ETV6: variants seen among roughly 807,000 people sequenced by gnomAD.
ETV6 encodes the protein ETS variant transcription factor 6.
Under a neutral mutation model 51.1 loss-of-function variants are expected in ETV6, and 16 were observed. The observed-to-expected ratio is 0.31, with a 90% confidence interval of 0.21 to 0.48. The LOEUF is 0.48. Ranked by LOEUF, ETV6 falls within the 20% of genes least tolerant of loss-of-function variation. The pLI is 0.99. For missense variants in ETV6, 458 were observed against 594.8 expected (o/e 0.77, Z 2.39); for synonymous variants, 240 against 224.1 (o/e 1.07, Z -0.64).
At chr12:11,761,143 A>AT (rs1324709776) in intron 2 of ETV6, among the ~76,000 whole-genome samples, 2 of 152,140 alleles carry the variant, frequency 1.3e-5, no homozygotes, top group Non-Finnish European at 2.9e-5. Context: ...TACTCTTTAA[A>AT]AGTCTGAGGA....
At position 11,893,128 on chromosome 12, in the gene ETV6, C is replaced by CTATT. The variant is rs1009864158; in HGVS notation, c.*2084_*2087dup. The CTATT allele has an allele frequency of 2.6e-5, 6 of 232,696 alleles. No individual in the cohort carries two copies. The highest frequency in any genetic ancestry group is 5.1e-5 in the Non-Finnish European group (6 of 117,816). The allele number at this position is 232,696 out of a possible 1,614,324, so 14.4% of individuals were successfully genotyped here. On this transcript the variant is annotated 3_prime_UTR_variant, in exon 8 of 8. Coordinates refer to ENST00000396373, the MANE Select transcript of ETV6 (RefSeq NM_001987.5). ...AGCATTCAGTAGGACATGGTGATCC[C>CTATT]TATTTCAGCCTCTAAGATGACTGGT... is the stretch of plus-strand genomic sequence containing the variant.
intron 1 of ETV6, among the ~76,000 whole-genome samples, chr12:11,708,611 T>TG (rs2120870566): frequency 1.3e-5 from 2 of 152,258 alleles, no homozygotes; most frequent in East Asian, 3.9e-4. Flanking sequence ...GCCAGTATCA[T>TG]GGGGGATGGA....
At chr12:11,659,185 A>G (rs2120633126) in intron 1 of ETV6, among the ~76,000 whole-genome samples, 1 of 152,228 alleles carries the variant, frequency 6.6e-6, no homozygotes, top group South Asian at 2.1e-4. Flanking sequence ...ACTTTGGGGC[A>G]TGGGGAAACC....
chr12:11,650,020 A>G lies in ETV6; in HGVS notation c.-108A>G. On this transcript the variant is annotated 5_prime_UTR_variant, in exon 1 of 8. Transcript: ENST00000396373. ...GCTGCCGGGAGAGATGCTGGAAGAA[A>G]CTTCTTAAATGACCGCGTCTGGCTG... 1.9e-6 allele frequency: 2 copies of G among 1,046,764 alleles called. No homozygotes were observed. Among genetic ancestry groups the G allele is most frequent in the East Asian group, 4.8e-5 (2 of 41,252 alleles). The allele number at this position is 1,046,764 out of a possible 1,614,324, so 64.8% of individuals were successfully genotyped here. A position where few individuals can be genotyped will look rare whatever the true frequency, so the allele number is the denominator to read the frequency against.
chr12:11,716,939 A>T (rs1351434640), intron 1 of ETV6, among the ~76,000 whole-genome samples: 3 of 152,162 alleles, frequency 2.0e-5, no homozygotes, highest in Admixed American at 1.3e-4. Flanking sequence ...TATCTCTTAG[A>T]TCTAAAATCA....
At position 11,873,605 on chromosome 12, in the gene ETV6, A is replaced by C. The variant is rs909764954; in HGVS notation, c.1009+3636A>C. Reference sequence around the variant, plus strand: ...ATAGCTGGAGGGTATAGATGGAAATAGTACTCATGAATGTGGATCACAAAA... The same window carrying C: ...ATAGCTGGAGGGTATAGATGGAAATCGTACTCATGAATGTGGATCACAAAA... On this transcript the variant is annotated intron_variant, in intron 5 of 7. Transcript: ENST00000396373. 3.5e-5 allele frequency among the ~76,000 whole-genome samples: 4 copies of C among 112,942 alleles called. 2 individuals are homozygous for C. Among genetic ancestry groups the C allele is most frequent in the African/African-American group, 1.4e-4 (4 of 29,234 alleles). 74.1% of individuals were successfully genotyped at this position (112,942 alleles called of 152,430 possible).
intron 2 of ETV6, among the ~76,000 whole-genome samples, chr12:11,792,343 T>A (rs1945611571): frequency 6.6e-6 from 1 of 152,204 alleles, no homozygotes; most frequent in African/African-American, 2.4e-5. Context: ...GAATTTACTT[T>A]AGACAAAATC....
At chr12:11,656,352 G>T (rs961249314) in intron 1 of ETV6, among the ~76,000 whole-genome samples, 3 of 152,166 alleles carry the variant, frequency 2.0e-5, no homozygotes, top group Non-Finnish European at 2.9e-5. Flanking sequence ...CCATTTTTGC[G>T]AAGAAAATTA....
chr12:11,776,582 C>G (rs1945329021), intron 2 of ETV6, among the ~76,000 whole-genome samples: 1 of 152,118 alleles, frequency 6.6e-6, no homozygotes, highest in Non-Finnish European at 1.5e-5. Flanking sequence ...ACACATGTAG[C>G]TATGAGGAGA....
At chr12:11,867,942 G>T (rs146893796) in intron 4 of ETV6, among the ~76,000 whole-genome samples, 2 of 152,202 alleles carry the variant, frequency 1.3e-5, no homozygotes, top group South Asian at 4.1e-4. Flanking sequence ...GGTGTGTGCC[G>T]GTCCATTCCC....
At chr12:11,789,321 G>A (rs747927331) in intron 2 of ETV6, among the ~76,000 whole-genome samples, 2 of 152,000 alleles carry the variant, frequency 1.3e-5, no homozygotes, top group East Asian at 1.9e-4. Context: ...GGTGAGCCAC[G>A]ATCGTATTTC....
intron 1 of ETV6, among the ~76,000 whole-genome samples, chr12:11,658,848 G>C (rs1023228899): frequency 2.0e-5 from 3 of 152,242 alleles, no homozygotes; most frequent in African/African-American, 7.2e-5. Context: ...TAAGTTTCCA[G>C]AGATGAAAGA....
chr12:11,729,039 T>G (rs1009024817), intron 1 of ETV6, among the ~76,000 whole-genome samples: 1 of 152,256 alleles, frequency 6.6e-6, no homozygotes, highest in Non-Finnish European at 1.5e-5. Context: ...ATACATTCTC[T>G]ATTATTTTTG....
chr12:11,732,815 G>A (rs1865626707), intron 1 of ETV6, among the ~76,000 whole-genome samples: 1 of 152,118 alleles, frequency 6.6e-6, no homozygotes, highest in Admixed American at 6.5e-5. Flanking sequence ...CCCAATTCCA[G>A]CTCTGTAATC....
chr12:11,724,711 T>C (rs1420459452), intron 1 of ETV6, among the ~76,000 whole-genome samples: 1 of 152,176 alleles, frequency 6.6e-6, no homozygotes, highest in African/African-American at 2.4e-5. Flanking sequence ...AGGAATAAAG[T>C]GTTAACTTGG....
intron 2 of ETV6, among the ~76,000 whole-genome samples, chr12:11,797,461 C>A (rs1272416912): frequency 6.6e-6 from 1 of 152,174 alleles, no homozygotes; most frequent in Admixed American, 6.5e-5. Context: ...AGCAGAAATC[C>A]AGCCACAGAG....
chr12:11,850,035 G>A (rs149782760), intron 3 of ETV6, among the ~76,000 whole-genome samples: 1 of 152,162 alleles, frequency 6.6e-6, no homozygotes, highest in African/African-American at 2.4e-5. Flanking sequence ...CTGGGTCTTA[G>A]AACTAAGTTT....
At chr12:11,665,578 A>G (rs927057718) in intron 1 of ETV6, among the ~76,000 whole-genome samples, 1 of 152,250 alleles carries the variant, frequency 6.6e-6, no homozygotes, top group Admixed American at 6.5e-5. Context: ...GCCAATGGCT[A>G]TTAATTGAAT....
At position 11,891,429 on chromosome 12, in the gene ETV6, A is replaced by G. The variant is rs1162834508; in HGVS notation, c.*383A>G. On this transcript the variant is annotated 3_prime_UTR_variant, in exon 8 of 8. Transcript: ENST00000396373. ...TCGTTCATCTAGGGGAAGACATCTG[A>G]TGTTGTTTTCCTATGGAAATATATA... The G allele has an allele frequency of 2.7e-5, 10 of 366,634 alleles. No homozygotes were observed. The highest frequency in any genetic ancestry group is 3.2e-5 in the South Asian group (1 of 30,790). 22.7% of individuals were successfully genotyped at this position (366,634 alleles called of 1,614,324 possible). A position where few individuals can be genotyped will look rare whatever the true frequency, so the allele number is the denominator to read the frequency against.
Sources: gnomAD v4.1 joint callset for allele counts (sites outside exome capture counted in the v4.1 genomes callset) on GRCh38, gnomAD v4.1.1 for gene constraint, MANE v1.5 for transcripts, NCBI Gene and HGNC (gene_info 2026-07-23, HGNC 2026-07-21) for gene names.